The following CYTH1 variants were observed in gnomAD, a reference collection of about 807,000 sequenced individuals.
CYTH1 encodes the protein cytohesin 1, also known as cytohesin-1.
Under a neutral mutation model 61.8 loss-of-function variants are expected in CYTH1, and 18 were observed. That is an observed-to-expected ratio of 0.29 (90% confidence interval 0.20 to 0.43). The LOEUF (loss-of-function observed/expected upper bound fraction) is 0.43. Ranked by LOEUF, CYTH1 falls within the 20% of genes least tolerant of loss-of-function variation. The pLI is 1.00. For missense variants in CYTH1, 336 were observed against 510.5 expected (o/e 0.66, Z 3.29); for synonymous variants, 174 against 184.3 (o/e 0.94, Z 0.45).
chr17:78,702,030 C>T (rs1481872040), intron 5 of CYTH1, 92 bp downstream of exon 5: 6 of 1,113,774 alleles, frequency 5.4e-6, no homozygotes, highest in African/African-American at 1.6e-5. Flanking sequence ...GGCAAAAACC[C>T]CTCCAAGAAC....
At chr17:78,688,979 C>T (rs1029649547) in intron 11 of CYTH1, among the ~76,000 whole-genome samples, 1 of 152,198 alleles carries the variant, frequency 6.6e-6, no homozygotes, top group Non-Finnish European at 1.5e-5. Context: ...CAAAGAAGCT[C>T]TCCAGTGACG....
At chr17:78,683,094 T>C (rs1421408367) in intron 11 of CYTH1, among the ~76,000 whole-genome samples, 1 of 152,256 alleles carries the variant, frequency 6.6e-6, no homozygotes, top group Non-Finnish European at 1.5e-5. Context: ...AACTTTTCCA[T>C]TGAGTTTTCA....
intron 1 of CYTH1, among the ~76,000 whole-genome samples, chr17:78,754,075 G>A (rs903546840): frequency 1.3e-5 from 2 of 152,092 alleles, no homozygotes; most frequent in Non-Finnish European, 2.9e-5. Context: ...CAAAGTGGCC[G>A]TTGTGTGAAG....
At chr17:78,723,498 G>C (rs1380199107) in intron 1 of CYTH1, 1 of 152,500 alleles carries the variant, frequency 6.6e-6, no homozygotes, top group Non-Finnish European at 1.5e-5. Context: ...GGGCCCGGTG[G>C]GGAAGGCTGG....
intron 1 of CYTH1, among the ~76,000 whole-genome samples, chr17:78,765,828 C>T (rs1327558072): frequency 6.6e-6 from 1 of 151,986 alleles, no homozygotes; most frequent in Non-Finnish European, 1.5e-5. Context: ...TTTTTAAATC[C>T]TGCAATAGCA....
Position 78,700,501 on chromosome 17 carries a change from A to C in CYTH1, c.438-58T>G. On this transcript the variant is annotated intron_variant, in intron 6 of 13. Coordinates refer to ENST00000446868, the MANE Select transcript of CYTH1 (RefSeq NM_004762.6). The surrounding 1 kb of genome is among the most constrained non-coding windows in gnomAD (Gnocchi z 5.1). ...TGGGGAGGCAATTTATTTCTCTATG[A>C]ATTGTTAAACTGCCAATGATTTTTT... 1 of 1,367,004 alleles carries C rather than the reference A, an allele frequency of 7.3e-7. No homozygotes were observed. Among genetic ancestry groups the C allele is most frequent in the Non-Finnish European group, 1.0e-6 (1 of 997,488 alleles). The allele number at this position is 1,367,004 out of a possible 1,614,324, so 84.7% of individuals were successfully genotyped here. A position where few individuals can be genotyped will look rare whatever the true frequency, so the allele number is the denominator to read the frequency against.
intron 1 of CYTH1, among the ~76,000 whole-genome samples, chr17:78,737,874 T>TACACACAC (rs10660165): frequency 6.7e-6 from 1 of 149,976 alleles, no homozygotes; most frequent in Non-Finnish European, 1.5e-5. Context: ...CTTCTATAGA[T>TACACACAC]ACACACACAC....
intron 1 of CYTH1, among the ~76,000 whole-genome samples, chr17:78,766,179 G>C (rs2093448073): frequency 6.6e-6 from 1 of 151,566 alleles, no homozygotes; most frequent in African/African-American, 2.4e-5. Context: ...TCTGGGAGCT[G>C]CTCTGTAACT....
chr17:78,755,047 A>G lies in CYTH1; in HGVS notation c.22+27155T>C, dbSNP rs151236795. 1.8e-3 allele frequency among the ~76,000 whole-genome samples: 272 copies of G among 152,308 alleles called. 1 individual carries two copies. Among genetic ancestry groups the G allele is most frequent in the African/African-American group, 6.3e-3 (260 of 41,552 alleles). ...TTTATACACAATAGCCCAAATCTGG[A>G]AACAACTCATATGTTCATCAACAGG... On this transcript the variant is annotated intron_variant, in intron 1 of 13. Coordinates refer to ENST00000446868, the MANE Select transcript of CYTH1 (RefSeq NM_004762.6).
intron 1 of CYTH1, among the ~76,000 whole-genome samples, chr17:78,731,137 G>A (rs2093291971): frequency 6.6e-6 from 1 of 152,120 alleles, no homozygotes; most frequent in African/African-American, 2.4e-5. Flanking sequence ...AAGGTAACTT[G>A]GAATATATGA....
chr17:78,694,313 T>C (rs2092917542), intron 10 of CYTH1, among the ~76,000 whole-genome samples: 1 of 152,220 alleles, frequency 6.6e-6, no homozygotes, highest in African/African-American at 2.4e-5. Flanking sequence ...GCCCTCCACC[T>C]GCCCATCCTG....
In CYTH1 at chr17:78,782,265, T is replaced by C. The variant is rs2093522463; in HGVS notation, c.-42A>G. 3 of 1,213,382 alleles carry C rather than the reference T, an allele frequency of 2.5e-6. No individual in the cohort carries two copies. The highest frequency in any genetic ancestry group is 2.1e-5 in the South Asian group (1 of 47,182). The allele number at this position is 1,213,382 out of a possible 1,614,324, so 75.2% of individuals were successfully genotyped here. On this transcript the variant is annotated 5_prime_UTR_variant, in exon 1 of 14. Transcript: ENST00000446868. Reference sequence around the variant, plus strand: ...TCCGCGCTCCGGCTCGCCGCTCGCGTCCCGCCGCGCCACCCGCGCCCCCGC... The same window carrying C: ...TCCGCGCTCCGGCTCGCCGCTCGCGCCCCGCCGCGCCACCCGCGCCCCCGC...
intron 1 of CYTH1, among the ~76,000 whole-genome samples, chr17:78,726,279 T>C (rs1056676131): frequency 9.2e-5 from 14 of 152,148 alleles, no homozygotes; most frequent in African/African-American, 3.4e-4. Flanking sequence ...CCTGACCTTG[T>C]GATCTGCCCG....
chr17:78,776,184 A>C (rs2093490229), intron 1 of CYTH1, among the ~76,000 whole-genome samples: 1 of 152,136 alleles, frequency 6.6e-6, no homozygotes, highest in Non-Finnish European at 1.5e-5. Flanking sequence ...TATGCTTAAA[A>C]AGGAAGTTCA....
intron 1 of CYTH1, among the ~76,000 whole-genome samples, chr17:78,747,145 CAAAAA>C (rs56201341): frequency 3.5e-5 from 2 of 57,828 alleles, no homozygotes; most frequent in Non-Finnish European, 5.9e-5. Flanking sequence ...ATGGCAGCGC[CAAAAA>C]AAAAAAAAAA....
At chr17:78,749,267 C>T (rs1292622145) in intron 1 of CYTH1, among the ~76,000 whole-genome samples, 2 of 152,074 alleles carry the variant, frequency 1.3e-5, no homozygotes, top group Non-Finnish European at 2.9e-5. Context: ...CAAGACCAGC[C>T]TGGTCAACAT....
chr17:78,720,413 G>T (rs570942667), intron 1 of CYTH1, among the ~76,000 whole-genome samples: 1 of 152,206 alleles, frequency 6.6e-6, no homozygotes, highest in Non-Finnish European at 1.5e-5. Flanking sequence ...CTGCCTCCTG[G>T]GTTCATGCAA....
intron 11 of CYTH1, among the ~76,000 whole-genome samples, chr17:78,683,759 G>A (rs2092787898): frequency 1.3e-5 from 2 of 151,356 alleles, no homozygotes; most frequent in South Asian, 4.1e-4. Flanking sequence ...AGGGGCATGA[G>A]GTGAGGGCAA....
At chr17:78,770,563 C>T (rs902914639) in intron 1 of CYTH1, among the ~76,000 whole-genome samples, 7 of 151,894 alleles carry the variant, frequency 4.6e-5, no homozygotes, top group Non-Finnish European at 8.8e-5. Flanking sequence ...GGACTACAGG[C>T]GTGCGCCATC....
Sources: gnomAD v4.1 joint callset for allele counts (sites outside exome capture counted in the v4.1 genomes callset) on GRCh38, gnomAD v4.1.1 for gene constraint, Gnocchi (gnomAD v3.1) non-coding constraint, MANE v1.5 for transcripts, NCBI Gene and HGNC (gene_info 2026-07-23, HGNC 2026-07-21) for gene names.